Variants in CD244 observed in about 807,000 individuals in gnomAD.
The protein encoded by CD244 is natural killer cell receptor 2B4.
CD244 carries 20 observed loss-of-function variants against 45.5 expected under a neutral mutation model. The ratio of observed to expected loss-of-function variants is 0.44; its 90% CI spans 0.31 to 0.64. The LOEUF (loss-of-function observed/expected upper bound fraction) is 0.64, where lower values mean the gene tolerates loss of function less well. CD244 is among the 30% of genes least tolerant of loss of function. The pLI, the probability that CD244 is intolerant of heterozygous loss-of-function variation, is 0.08. For synonymous variants in CD244, 185 were observed against 160.5 expected, an observed-to-expected ratio of 1.15 and a Z score of -1.15; for missense variants, 407 against 426.9, an observed-to-expected ratio of 0.95 and a Z score of 0.41.
intron 1 of CD244, among the ~76,000 whole-genome samples, chr1:160,843,411 A>G (rs1483988839): frequency 6.6e-6 from 1 of 152,210 alleles, no homozygotes; most frequent in Non-Finnish European, 1.5e-5. Context: ...GGTGAATGGA[A>G]AAAATCATTA....
intron 1 of CD244, among the ~76,000 whole-genome samples, chr1:160,843,503 A>T (rs1352985883): frequency 6.6e-6 from 1 of 152,222 alleles, no homozygotes; most frequent in Non-Finnish European, 1.5e-5. Flanking sequence ...GCCCCTGAAG[A>T]GGCAGGGCCT....
Position 160,862,775 on chromosome 1 carries a change from G to A in CD244, c.-98C>T. The stretch of plus-strand genomic sequence containing the variant: ...CCCCAGTCAGCAAGAGGACGATGGG[G>A]AGCAGAACTGCCTTGCAACCTGTCC... On this transcript the variant is annotated 5_prime_UTR_variant, in exon 1 of 9. Coordinates refer to ENST00000368034, the MANE Select transcript of CD244 (RefSeq NM_016382.4). The A allele has an allele frequency of 9.6e-7, 1 of 1,040,332 alleles. No homozygotes were observed. The highest frequency in any genetic ancestry group is 2.8e-4 in the Middle Eastern group (1 of 3,606). 64.4% of individuals were successfully genotyped at this position (1,040,332 alleles called of 1,614,324 possible).
At chr1:160,848,132 A>G in intron 1 of CD244, 1 of 451,124 alleles carries the variant, frequency 2.2e-6, no homozygotes, top group East Asian at 5.3e-5. Context: ...TCTGAGCACT[A>G]GAGAGAAATG....
intron 1 of CD244, 41 bp from the exon 2 acceptor site, chr1:160,841,942 T>C (rs759401139): frequency 1.3e-6 from 2 of 1,579,270 alleles, no homozygotes; most frequent in Admixed American, 1.7e-5. Flanking sequence ...GGGAAGAGTG[T>C]CAGGCCTGAG....
In CD244 at chr1:160,832,532, G is replaced by A. The variant is rs772930126; in HGVS notation, c.1004C>T (p.Thr335Ile). 3 of 1,604,830 alleles carry A rather than the reference G, an allele frequency of 1.9e-6. No homozygotes were observed. The highest frequency in any genetic ancestry group is 2.6e-6 in the Non-Finnish European group (3 of 1,173,268). The change falls in exon 8 of 9, where the codon ACT (threonine) becomes ATT (isoleucine). Residue 335 changes from threonine to isoleucine, a missense_variant. By Grantham distance (89) the Thr-to-Ile change is moderately conservative. Transcript: ENST00000368034. ...KRNHSPSFNS[T>I]IYEVIGKSQP... is the part of the protein sequence containing the mutation. ...CCAGAATCTTACCACTTCATAGATA[G>A]TGCTATTGAAGGAAGGGCTGTGGTT...
At position 160,830,703 on chromosome 1, in the gene CD244, G is replaced by A. The variant is rs1669080697; in HGVS notation, c.*644C>T. The A allele has an allele frequency of 6.6e-6, 1 of 152,526 alleles. No individual in the cohort carries two copies. Among genetic ancestry groups the A allele is most frequent in the African/African-American group, 2.4e-5 (1 of 41,470 alleles). 9.4% of individuals were successfully genotyped at this position (152,526 alleles called of 1,614,324 possible). ...GATTTTTCTACTTAGAGATGGGCTT[G>A]CTTTGCACCATCTACTCTCCCTTCA... On this transcript the variant is annotated 3_prime_UTR_variant, in exon 9 of 9. Transcript: ENST00000368034.
chr1:160,841,953 C>A, intron 1 of CD244, 52 bp from the exon 2 acceptor site: 1 of 1,516,280 alleles, frequency 6.6e-7, no homozygotes, highest in Non-Finnish European at 9.1e-7. Context: ...CAGGCCTGAG[C>A]AATGTGGGCA....
intron 3 of CD244, 128 bp downstream of exon 3, chr1:160,841,082 G>A: frequency 2.3e-6 from 2 of 871,306 alleles, no homozygotes; most frequent in South Asian, 3.2e-5. Context: ...GCTACCCTGG[G>A]AAGGGCTACA....
chr1:160,843,562 A>C (rs369928019), intron 1 of CD244, among the ~76,000 whole-genome samples: 66 of 152,246 alleles, frequency 4.3e-4, no homozygotes, highest in African/African-American at 1.4e-3. Flanking sequence ...TGTGATCTGG[A>C]AACAGAACAC....
At chr1:160,857,224 C>G (rs1400617476) in intron 1 of CD244, among the ~76,000 whole-genome samples, 2 of 152,210 alleles carry the variant, frequency 1.3e-5, no homozygotes, top group Non-Finnish European at 2.9e-5. Flanking sequence ...CTCTCATGCA[C>G]TATTTGGTTC....
chr1:160,838,403 C>G, intron 5 of CD244, 48 bp downstream of exon 5: 6 of 1,355,328 alleles, frequency 4.4e-6, no homozygotes, highest in Non-Finnish European at 6.4e-6. Context: ...ATTGAAAGAG[C>G]ATTTTCCAAG....
intron 1 of CD244, among the ~76,000 whole-genome samples, chr1:160,844,495 T>C (rs1338774878): frequency 6.6e-6 from 1 of 152,220 alleles, no homozygotes; most frequent in Non-Finnish European, 1.5e-5. Context: ...CTGGTCTTCA[T>C]GATGAAACGC....
chr1:160,841,384 A>G lies in CD244; in HGVS notation c.481T>C (p.Ser161Pro). The G allele has an allele frequency of 6.2e-7, 1 of 1,614,156 alleles. No homozygotes were observed. The highest frequency in any genetic ancestry group is 2.2e-5 in the East Asian group (1 of 44,882). The change falls in exon 3 of 9, where the codon TCC becomes CCC. Residue 161 changes from serine (S) to proline (P), a missense_variant. Physicochemically the swap from Ser to Pro is moderately conservative, Grantham distance 74. Transcript: ENST00000368034. The part of the protein sequence containing the change: ...SCLVSRDGNV[S>P]YAWYRGSKLI... Reference sequence around the variant, plus strand: ...TTGCTCCCTCTGTACCAAGCATAGGACACATTGCCATCCCTGGAGACCAAG... The same window carrying G: ...TTGCTCCCTCTGTACCAAGCATAGGGCACATTGCCATCCCTGGAGACCAAG...
chr1:160,855,039 AACACTC>A (rs1345036598), intron 1 of CD244, among the ~76,000 whole-genome samples: 1 of 152,218 alleles, frequency 6.6e-6, no homozygotes, highest in African/African-American at 2.4e-5. Context: ...ACAGGGCAAG[AACACTC>A]TTGCCCTCAG....
intron 6 of CD244, among the ~76,000 whole-genome samples, chr1:160,834,598 G>A (rs911660229): frequency 1.8e-4 from 27 of 152,264 alleles, no homozygotes; most frequent in African/African-American, 4.6e-4. Context: ...TGATCCGCCC[G>A]CCTCGGCCTC....
rs1440300706 is a variant in CD244 at position 160,841,606 on chromosome 1, G to A, written c.357C>T (p.Ala119=). The A allele has an allele frequency of 6.2e-7, 1 of 1,614,002 alleles. No homozygotes were observed. Residue 119 remains alanine, a synonymous_variant, in exon 2 of 9, where the codon GCC becomes GCT. Transcript: ENST00000368034. ...VTSISGKVQT[A]TFQVFVFDKV... Reference sequence around the variant, plus strand: ...TACCAAATACAAAAACCTGGAACGTGGCTGTCTGAACTTTTCCAGATATAC... The same window carrying A: ...TACCAAATACAAAAACCTGGAACGTAGCTGTCTGAACTTTTCCAGATATAC...
At chr1:160,845,368 G>A (rs1200256550) in intron 1 of CD244, among the ~76,000 whole-genome samples, 2 of 152,110 alleles carry the variant, frequency 1.3e-5, no homozygotes, top group Non-Finnish European at 2.9e-5. Context: ...AAATACACAA[G>A]AAGGAGTGTA....
At chr1:160,845,878 A>G (rs1669715524) in intron 1 of CD244, among the ~76,000 whole-genome samples, 1 of 151,976 alleles carries the variant, frequency 6.6e-6, no homozygotes, top group Non-Finnish European at 1.5e-5. Context: ...AAGAAAAAAA[A>G]CAAACCAATG....
At chr1:160,833,251 T>C (rs1024758632) in intron 7 of CD244, among the ~76,000 whole-genome samples, 6 of 152,094 alleles carry the variant, frequency 3.9e-5, no homozygotes, top group African/African-American at 7.2e-5. Context: ...TCCAAGTAGG[T>C]TGAATGGCTT....
Sources: allele counts gnomAD v4.1 joint callset (sites outside exome capture counted in the v4.1 genomes callset), GRCh38; gene constraint gnomAD v4.1.1; transcripts MANE v1.5; gene names NCBI Gene and HGNC (gene_info 2026-07-23, HGNC 2026-07-21).